The following AGBL1 variants were observed in gnomAD, a reference collection of about 807,000 sequenced individuals.
AGBL1 encodes the protein AGBL carboxypeptidase 1.
Under a neutral mutation model 118.9 loss-of-function variants are expected in AGBL1, and 130 were observed. The observed-to-expected ratio is 1.09, with a 90% CI of 0.95 to 1.26. AGBL1 has a LOEUF of 1.26. Among genes scored for constraint, AGBL1 ranks in the 50% most tolerant of loss-of-function variants. The probability of loss-of-function intolerance (pLI) is 0.00; values close to 1 mark genes in which losing one functional copy is unlikely to be tolerated. For synonymous variants in AGBL1, 555 were observed against 478.9 expected (o/e 1.16, Z -2.08); for missense variants, 1,584 against 1,298.1 (o/e 1.22, Z -3.38).
intron 22 of AGBL1, among the ~76,000 whole-genome samples, chr15:86,900,542 G>A (rs1297153133): frequency 6.6e-6 from 1 of 152,054 alleles, no homozygotes; most frequent in Non-Finnish European, 1.5e-5. Context: ...TCTATAGATT[G>A]AGGTTAAGGC....
At chr15:86,474,516 C>G (rs1379381279) in intron 18 of AGBL1, among the ~76,000 whole-genome samples, 1 of 152,194 alleles carries the variant, frequency 6.6e-6, no homozygotes, top group East Asian at 1.9e-4. Context: ...AAGGCGGCAG[C>G]AAGCCTGATG....
chr15:86,249,626 T>C (rs1045075463), intron 7 of AGBL1, among the ~76,000 whole-genome samples: 4 of 152,170 alleles, frequency 2.6e-5, no homozygotes, highest in African/African-American at 9.7e-5. Flanking sequence ...TCCCTCCCAG[T>C]CCTTGTGCAA....
chr15:86,895,243 A>G (rs2080108816), intron 22 of AGBL1, among the ~76,000 whole-genome samples: 1 of 147,626 alleles, frequency 6.8e-6, no homozygotes, highest in Non-Finnish European at 1.5e-5. Context: ...TTTTTTTCTC[A>G]TTAAAATACT....
At chr15:86,085,702 C>T (rs1027325910) in intron 1 of AGBL1, among the ~76,000 whole-genome samples, 7 of 152,200 alleles carry the variant, frequency 4.6e-5, no homozygotes, top group Non-Finnish European at 1.0e-4. Flanking sequence ...CTCTCTCTAA[C>T]CCTAGGAGGA....
intron 17 of AGBL1, among the ~76,000 whole-genome samples, chr15:86,364,305 T>C (rs1321388042): frequency 6.6e-6 from 1 of 152,202 alleles, no homozygotes; most frequent in Non-Finnish European, 1.5e-5. Context: ...GGGCCAGGCA[T>C]TGTGCTAAGT....
intron 22 of AGBL1, among the ~76,000 whole-genome samples, chr15:86,826,413 T>TCGTG: frequency 6.6e-6 from 1 of 152,100 alleles, no homozygotes; most frequent in South Asian, 2.1e-4. Flanking sequence ...TAGAATTGAT[T>TCGTG]TATTACACGA....
chr15:86,872,813 T>C (rs1048189555), intron 22 of AGBL1, among the ~76,000 whole-genome samples: 4 of 152,228 alleles, frequency 2.6e-5, no homozygotes, highest in African/African-American at 9.6e-5. Context: ...CATAATGATA[T>C]GTTTAGCAAT....
At chr15:86,964,467 A>T (rs1198374188) in intron 23 of AGBL1, among the ~76,000 whole-genome samples, 1 of 151,864 alleles carries the variant, frequency 6.6e-6, no homozygotes, top group Non-Finnish European at 1.5e-5. Flanking sequence ...GGAGAAAATC[A>T]TCCCTGATTG....
chr15:86,870,814 G>A (rs2079717109), intron 22 of AGBL1, among the ~76,000 whole-genome samples: 1 of 152,194 alleles, frequency 6.6e-6, no homozygotes, highest in South Asian at 2.1e-4. Flanking sequence ...TATGTACTGA[G>A]ATTACTATTT....
intron 18 of AGBL1, among the ~76,000 whole-genome samples, chr15:86,450,587 C>T (rs1287835976): frequency 6.6e-6 from 1 of 152,192 alleles, no homozygotes; most frequent in East Asian, 1.9e-4. Flanking sequence ...ACTTACTTAC[C>T]CAAAACCTAA....
chr15:86,940,290 T>G (rs532639012), intron 23 of AGBL1, among the ~76,000 whole-genome samples: 20 of 152,172 alleles, frequency 1.3e-4, no homozygotes, highest in African/African-American at 4.6e-4. Context: ...TCTTAATTTG[T>G]TGATCTGTAA....
chr15:86,780,793 G>A (rs1003648454), intron 22 of AGBL1, among the ~76,000 whole-genome samples: 41 of 151,578 alleles, frequency 2.7e-4, no homozygotes, highest in African/African-American at 9.2e-4. Flanking sequence ...TCTCAATCCC[G>A]AGTAGCTGGG....
At chr15:86,662,976 C>T (rs1481460714) in intron 21 of AGBL1, among the ~76,000 whole-genome samples, 3 of 152,130 alleles carry the variant, frequency 2.0e-5, no homozygotes, top group Admixed American at 1.3e-4. Flanking sequence ...CATCATCTTC[C>T]AAGAACACTG....
chr15:86,231,842 GA>G (rs1335338309), intron 6 of AGBL1, among the ~76,000 whole-genome samples: 1 of 152,152 alleles, frequency 6.6e-6, no homozygotes, highest in Non-Finnish European at 1.5e-5. Flanking sequence ...ACTGGAAGCT[GA>G]AAAAAAGCTA....
At chr15:86,765,356 C>T (rs1401167392) in intron 22 of AGBL1, among the ~76,000 whole-genome samples, 1 of 151,924 alleles carries the variant, frequency 6.6e-6, no homozygotes, top group Non-Finnish European at 1.5e-5. Context: ...TTGTTAAGGC[C>T]CTCACAGTCT....
At chr15:87,008,415 T>G (rs1166461163) in intron 24 of AGBL1, among the ~76,000 whole-genome samples, 8 of 152,240 alleles carry the variant, frequency 5.3e-5, no homozygotes, top group Non-Finnish European at 8.8e-5. Context: ...CCTCCTTGCC[T>G]TCCGCCATGA....
chr15:86,396,626 T>A (rs1005640867), intron 17 of AGBL1, among the ~76,000 whole-genome samples: 2 of 152,112 alleles, frequency 1.3e-5, no homozygotes, highest in African/African-American at 4.8e-5. Flanking sequence ...CTATTTCTGC[T>A]AAGGAATGAG....
chr15:86,394,261 C>T (rs1041731930), intron 17 of AGBL1, among the ~76,000 whole-genome samples: 7 of 152,120 alleles, frequency 4.6e-5, no homozygotes, highest in African/African-American at 1.4e-4. Context: ...AACATGTCAT[C>T]TATAATAATT....
rs539720188 is a variant in AGBL1, at chr15:86,140,625, A to G, written c.52-1379A>G. 5.9e-5 allele frequency among the ~76,000 whole-genome samples: 9 copies of G among 152,288 alleles called. No homozygotes were observed. The South Asian group carries it at 1.9e-3, about 32-fold the overall frequency. On this transcript the variant is annotated intron_variant, in intron 1 of 22. Transcript: ENST00000614907. ...TGTGGTAAGTGCAATGTCAGGGCTG[A>G]GCCCAGAGTGATGTGGAGATAGAAG...
Sources: allele counts gnomAD v4.1 joint callset (sites outside exome capture counted in the v4.1 genomes callset), GRCh38; gene constraint gnomAD v4.1.1; transcripts MANE v1.5; gene names NCBI Gene and HGNC (gene_info 2026-07-23, HGNC 2026-07-21).